The following NRXN1 variants were observed in gnomAD, a reference collection of about 807,000 sequenced individuals.
The protein encoded by NRXN1 is neurexin 1, also known as neurexin-1.
Under a neutral mutation model 150.9 loss-of-function variants are expected in NRXN1, and 39 were observed. The ratio of observed to expected loss-of-function variants is 0.26; its 90% confidence interval spans 0.20 to 0.34. The LOEUF (loss-of-function observed/expected upper bound fraction) is 0.34. Ranked by LOEUF, NRXN1 falls within the 10% of genes least tolerant of loss-of-function variation. The probability of loss-of-function intolerance (pLI) is 1.00; values close to 1 mark genes in which losing one functional copy is unlikely to be tolerated. For synonymous variants in NRXN1, 924 were observed against 757.0 expected (o/e 1.22, Z -3.62); for missense variants, 1,815 against 1,949.9 (o/e 0.93, Z 1.30).
At chr2:50,838,718 C>G (rs145052754) in intron 5 of NRXN1, among the ~76,000 whole-genome samples, 1 of 151,998 alleles carries the variant, frequency 6.6e-6, no homozygotes, top group African/African-American at 2.4e-5. Context: ...GAAAGAACAC[C>G]AAGGACCACC....
intron 2 of NRXN1, among the ~76,000 whole-genome samples, chr2:50,999,331 T>C (rs1172341159): frequency 2.0e-5 from 3 of 152,084 alleles, no homozygotes; most frequent in Non-Finnish European, 4.4e-5. Flanking sequence ...CTCCACAGTA[T>C]GCTTAACAGG....
In NRXN1 at chr2:49,919,331, GT is replaced by G. The variant is rs1277126302; in HGVS notation, c.*2612del. 1 of 151,972 alleles carries G rather than the reference GT, an allele frequency of 6.6e-6. No homozygotes were observed. Among genetic ancestry groups the G allele is most frequent in the Non-Finnish European group, 1.5e-5 (1 of 67,954 alleles). 9.4% of individuals were successfully genotyped at this position (151,972 alleles called of 1,614,324 possible). On this transcript the variant is annotated 3_prime_UTR_variant, in exon 23 of 23. Coordinates refer to ENST00000401669, the MANE Select transcript of NRXN1 (RefSeq NM_001330078.2). ...AAAAATAATTTTTGCTAGAGTTTGT[GT>G]AAGCCAATAATATTAGAAATAATTT...
At chr2:50,680,957 T>G (rs1690290124) in intron 5 of NRXN1, among the ~76,000 whole-genome samples, 1 of 152,092 alleles carries the variant, frequency 6.6e-6, no homozygotes, top group African/African-American at 2.4e-5. Flanking sequence ...TTTCTAACAC[T>G]ACAATAATAA....
chr2:50,078,211 CT>C (rs1697378975), intron 19 of NRXN1, among the ~76,000 whole-genome samples: 1 of 151,996 alleles, frequency 6.6e-6, no homozygotes, highest in African/African-American at 2.4e-5. Flanking sequence ...AATAAATCTA[CT>C]TTTCCAATAA....
At chr2:50,388,811 G>A (rs1398973287) in intron 17 of NRXN1, among the ~76,000 whole-genome samples, 2 of 151,630 alleles carry the variant, frequency 1.3e-5, no homozygotes, top group Admixed American at 6.6e-5. Context: ...CCCTTTTATT[G>A]AACATCTCCC....
intron 5 of NRXN1, among the ~76,000 whole-genome samples, chr2:50,896,024 A>G (rs1443162757): frequency 6.6e-6 from 1 of 152,154 alleles, no homozygotes; most frequent in East Asian, 1.9e-4. Flanking sequence ...AGCCTCTTCA[A>G]TCTCTAAGAA....
At chr2:50,667,675 G>T (rs148798585) in intron 5 of NRXN1, among the ~76,000 whole-genome samples, 1 of 151,858 alleles carries the variant, frequency 6.6e-6, no homozygotes, top group Admixed American at 6.6e-5. Context: ...GTTCTCTATT[G>T]TTTCCCTATT....
chr2:50,331,879 C>G (rs1183319863), intron 17 of NRXN1, among the ~76,000 whole-genome samples: 1 of 152,028 alleles, frequency 6.6e-6, no homozygotes, highest in Non-Finnish European at 1.5e-5. Context: ...TGTGCTAGGA[C>G]CGTCTACATT....
intron 5 of NRXN1, among the ~76,000 whole-genome samples, chr2:50,822,009 C>T (rs1302183405): frequency 6.6e-6 from 1 of 152,046 alleles, no homozygotes; most frequent in African/African-American, 2.4e-5. Flanking sequence ...GATAGGAAAA[C>T]ATTTTAAACA....
intron 18 of NRXN1, among the ~76,000 whole-genome samples, chr2:50,097,823 G>A (rs1258145542): frequency 1.3e-5 from 2 of 152,056 alleles, no homozygotes; most frequent in Non-Finnish European, 2.9e-5. Flanking sequence ...ATTTTTGGTA[G>A]AGGCAGGGTT....
At chr2:50,526,099 G>A (rs1459245770) in intron 12 of NRXN1, among the ~76,000 whole-genome samples, 1 of 152,152 alleles carries the variant, frequency 6.6e-6, no homozygotes, top group Non-Finnish European at 1.5e-5. Context: ...TACAAATGCT[G>A]TAAACTTGGC....
At chr2:50,408,255 T>G (rs546997323) in intron 17 of NRXN1, among the ~76,000 whole-genome samples, 2 of 152,324 alleles carry the variant, frequency 1.3e-5, no homozygotes, top group South Asian at 4.1e-4. Flanking sequence ...CATGAGAATT[T>G]CCAAGTAGTA....
Position 50,819,698 on chromosome 2 carries a change from CTCAA to C in NRXN1, c.832+102167_832+102170del, listed in dbSNP as rs372222272. On this transcript the variant is annotated intron_variant, in intron 5 of 22. Coordinates refer to ENST00000401669, the MANE Select transcript of NRXN1 (RefSeq NM_001330078.2). ...TTACATGTTATGTTTTTTTTTAAATCTCAATCAAAGGAAAGAAAAAAAGAATCTT... is the reference window on the plus strand; with the variant it reads ...TTACATGTTATGTTTTTTTTTAAATCTCAAAGGAAAGAAAAAAAGAATCTT... Among the ~76,000 whole-genome samples the C allele has an allele frequency of 4.0e-5, 6 of 151,188 alleles. No homozygotes were observed. In the South Asian group the frequency reaches 8.4e-4, roughly 21 times the overall value.
At chr2:50,861,922 C>A (rs372722846) in intron 5 of NRXN1, among the ~76,000 whole-genome samples, 8 of 152,136 alleles carry the variant, frequency 5.3e-5, no homozygotes, top group African/African-American at 1.9e-4. Context: ...ACTCTCAGGG[C>A]TGGGTGCAGT....
intron 18 of NRXN1, among the ~76,000 whole-genome samples, chr2:50,228,567 T>G (rs114593454): frequency 0.013 from 2,046 of 152,024 alleles, 48 homozygotes; most frequent in African/African-American, 0.046. Flanking sequence ...GTGACAGAAG[T>G]CTGGGATGGA....
At chr2:50,403,702 TA>T (rs2082549158) in intron 17 of NRXN1, among the ~76,000 whole-genome samples, 1 of 152,180 alleles carries the variant, frequency 6.6e-6, no homozygotes, top group Non-Finnish European at 1.5e-5. Context: ...AGCTTTGTAA[TA>T]CTAATTTTAA....
At chr2:49,952,266 T>C (rs954221156) in intron 21 of NRXN1, among the ~76,000 whole-genome samples, 2 of 152,008 alleles carry the variant, frequency 1.3e-5, no homozygotes, top group African/African-American at 2.4e-5. Flanking sequence ...AAACTTAAAA[T>C]AAGTGAAAAG....
intron 17 of NRXN1, among the ~76,000 whole-genome samples, chr2:50,381,003 T>C (rs1278354643): frequency 1.3e-5 from 2 of 152,156 alleles, no homozygotes; most frequent in Non-Finnish European, 1.5e-5. Flanking sequence ...TTCTATATAG[T>C]GATGATTTAT....
chr2:50,171,483 C>T (rs977807248), intron 18 of NRXN1, among the ~76,000 whole-genome samples: 5 of 151,868 alleles, frequency 3.3e-5, no homozygotes, highest in Non-Finnish European at 4.4e-5. Context: ...GAAATATATG[C>T]GCTATCATCA....
Sources: gnomAD v4.1 joint callset for allele counts (sites outside exome capture counted in the v4.1 genomes callset) on GRCh38, gnomAD v4.1.1 for gene constraint, MANE v1.5 for transcripts, NCBI Gene and HGNC (gene_info 2026-07-23, HGNC 2026-07-21) for gene names.